Variants in CTSB observed in about 807,000 individuals in gnomAD.
CTSB encodes the protein cathepsin B.
In CTSB, 57 loss-of-function variants were observed where a neutral mutation model predicts 44.3. That is an observed-to-expected ratio of 1.29 (90% CI 1.04 to 1.60). CTSB has a LOEUF of 1.60. CTSB is among the 40% of genes most tolerant of loss of function. The pLI is 0.00. For synonymous variants in CTSB, 320 were observed against 168.0 expected, an observed-to-expected ratio of 1.91 and a Z score of -7.00; for missense variants, 768 against 443.0, an observed-to-expected ratio of 1.73 and a Z score of -6.59.
intron 1 of CTSB, among the ~76,000 whole-genome samples, chr8:11,855,345 A>C (rs1051109415): frequency 1.3e-5 from 2 of 152,148 alleles, no homozygotes; most frequent in African/African-American, 4.8e-5. Context: ...AAAAAGTTTT[A>C]TGAAAAAAAT....
At chr8:11,866,048 TAAG>T (rs1004102363) in intron 1 of CTSB, among the ~76,000 whole-genome samples, 77 of 149,012 alleles carry the variant, frequency 5.2e-4, no homozygotes, top group African/African-American at 1.9e-3. Context: ...AAAAAGAAAT[TAAG>T]AAAGAAAAGA....
rs201650067 is a variant in CTSB, at chr8:11,845,191, G to A, written c.954C>T (p.His318=). Residue 318 remains histidine, a synonymous_variant, in exon 10 of 10, where the codon CAC becomes CAT. Coordinates refer to ENST00000353047, the MANE Select transcript of CTSB (RefSeq NM_001908.5). ...CCACCACTTCTGATTCGATTCCACA[G>A]TGATCCTGTCCTCTGAGTATTTTAA... ...GFFKILRGQD[H]CGIESEVVAG... is the part of the protein sequence containing the mutation. 3 of 1,613,882 alleles carry A rather than the reference G, an allele frequency of 1.9e-6. No individual in the cohort carries two copies. The Admixed American group carries it at 5.0e-5, about 27-fold the overall frequency.
At chr8:11,848,913 G>C (rs1473102830) in intron 5 of CTSB, 133 bp downstream of exon 5, 7 of 626,386 alleles carry the variant, frequency 1.1e-5, no homozygotes, top group South Asian at 1.9e-5. Flanking sequence ...CTGCCTGCCA[G>C]ACTCTCGGAG....
intron 3 of CTSB, among the ~76,000 whole-genome samples, chr8:11,852,391 C>T (rs574762446): frequency 1.7e-4 from 26 of 152,118 alleles, no homozygotes; most frequent in Non-Finnish European, 3.4e-4. Context: ...AAAGCACCAG[C>T]ATCTTCTCTA....
chr8:11,853,023 G>A (rs568086609), intron 2 of CTSB, among the ~76,000 whole-genome samples: 2 of 152,290 alleles, frequency 1.3e-5, no homozygotes, highest in South Asian at 2.1e-4. Flanking sequence ...ACTGTGCCAC[G>A]GCGGGCGTCA....
intron 1 of CTSB, among the ~76,000 whole-genome samples, chr8:11,866,619 G>A (rs1817189947): frequency 6.6e-6 from 1 of 152,232 alleles, no homozygotes; most frequent in South Asian, 2.1e-4. Flanking sequence ...TGACTCACCG[G>A]GAGGCCGAGA....
At chr8:11,847,265 G>T in intron 7 of CTSB, 97 bp from the exon 8 acceptor site, 3 of 794,170 alleles carry the variant, frequency 3.8e-6, no homozygotes, top group Admixed American at 3.6e-5. Flanking sequence ...GGCCTCCAGG[G>T]GAAGACTGCA....
At chr8:11,848,776 C>A in intron 5 of CTSB, 1 of 373,744 alleles carries the variant, frequency 2.7e-6, no homozygotes, top group Non-Finnish European at 5.1e-6. Context: ...ACAAACCAGA[C>A]CAGGGGCCAG....
At chr8:11,861,262 C>T (rs899861991) in intron 1 of CTSB, 4 of 152,436 alleles carry the variant, frequency 2.6e-5, no homozygotes, top group Admixed American at 6.5e-5. Context: ...GAAAACCCAC[C>T]CAGCACACAG....
Position 11,845,680 on chromosome 8 carries a change from G to C in CTSB, c.903C>G (p.Asn301Lys). 6.2e-7 allele frequency: 1 copy of C among 1,613,852 alleles called. No individual in the cohort carries two copies. The highest frequency in any genetic ancestry group is 8.5e-7 in the Non-Finnish European group (1 of 1,179,736). The change falls in exon 9 of 10, where the codon AAC (asparagine) becomes AAG (lysine). Residue 301 changes from asparagine to lysine, a missense_variant. Physicochemically the swap from Asn to Lys is moderately conservative, Grantham distance 94. Coordinates refer to ENST00000353047, the MANE Select transcript of CTSB (RefSeq NM_001908.5). ...TPYWLVANSW[N>K]TDWGDNGFFK... ...ACTCACCATTGTCACCCCAGTCAGT[G>C]TTCCAGGAGTTGGCAACCAGCCAGT... is the stretch of plus-strand genomic sequence containing the variant.
Position 11,848,007 on chromosome 8 carries a change from T to A in CTSB, c.532+60A>T, listed in dbSNP as rs539302963. On this transcript the variant is annotated intron_variant, in intron 6 of 9. Coordinates refer to ENST00000353047, the MANE Select transcript of CTSB (RefSeq NM_001908.5). ...CAGTTTATAAAGGCAAATAAAGCCA[T>A]GATGGTTAATTGCTCAAACAATCCA... is the stretch of plus-strand genomic sequence containing the variant. 2.2e-5 allele frequency: 31 copies of A among 1,434,462 alleles called. No individual in the cohort carries two copies. In the East Asian group the frequency reaches 6.8e-4, roughly 32 times the overall value. 88.9% of individuals were successfully genotyped at this position (1,434,462 alleles called of 1,614,324 possible).
Position 11,845,515 on chromosome 8 carries a change from A to C in CTSB, c.922+146T>G, listed in dbSNP as rs561708356. The stretch of plus-strand genomic sequence containing the variant: ...CCCTCACAGCAAAAGGGAACTCCTG[A>C]CTGCCTGGCACTTAGGAGGAGCTCA... On this transcript the variant is annotated intron_variant, in intron 9 of 9. Transcript: ENST00000353047. 18 of 972,884 alleles carry C rather than the reference A, an allele frequency of 1.9e-5. No individual in the cohort carries two copies. In the South Asian group the frequency reaches 2.6e-4, roughly 14 times the overall value. 60.3% of individuals were successfully genotyped at this position (972,884 alleles called of 1,614,324 possible).
rs1217250211 is a variant in CTSB, at chr8:11,843,038, TC to T, written c.*2086del. The T allele has an allele frequency of 1.4e-5, 2 of 142,178 alleles. No individual in the cohort carries two copies. Among genetic ancestry groups the T allele is most frequent in the Non-Finnish European group, 3.0e-5 (2 of 66,542 alleles). The allele number at this position is 142,178 out of a possible 1,614,324, so 8.8% of individuals were successfully genotyped here. Reference sequence around the variant, plus strand: ...GTCTTGGCTCACTGCAACCTCCGCCTCCCGGGTTCAAGCGATTCTCCTGCCT... The same window carrying T: ...GTCTTGGCTCACTGCAACCTCCGCCTCCGGGTTCAAGCGATTCTCCTGCCT... On this transcript the variant is annotated 3_prime_UTR_variant, in exon 10 of 10. Coordinates refer to ENST00000353047, the MANE Select transcript of CTSB (RefSeq NM_001908.5).
Position 11,848,285 on chromosome 8 carries a change from C to A in CTSB, c.447-133G>T, listed in dbSNP as rs1285263605. On this transcript the variant is annotated intron_variant, in intron 5 of 9. Coordinates refer to ENST00000353047, the MANE Select transcript of CTSB (RefSeq NM_001908.5). ...TGCAGCAAGTGGTGCGAGCAGACCT[C>A]CCAGACCCCAAACCCTCCAAGGGAC... 7 of 766,940 alleles carry A rather than the reference C, an allele frequency of 9.1e-6. No individual in the cohort carries two copies. The Admixed American group carries it at 9.9e-5, about 11-fold the overall frequency. 47.5% of individuals were successfully genotyped at this position (766,940 alleles called of 1,614,324 possible).
At chr8:11,854,940 G>A (rs577212458) in intron 1 of CTSB, 5 of 152,350 alleles carry the variant, frequency 3.3e-5, no homozygotes, top group Admixed American at 6.5e-5. Context: ...GAGGAAACAG[G>A]ACAGTGCTTG....
intron 3 of CTSB, 76 bp from the exon 4 acceptor site, chr8:11,851,056 C>G: frequency 1.1e-6 from 1 of 931,544 alleles, no homozygotes; most frequent in Non-Finnish European, 1.7e-6. Context: ...GCCACTTTGG[C>G]TGGGCCACAC....
chr8:11,846,605 C>T (rs1185703281), intron 8 of CTSB, among the ~76,000 whole-genome samples: 1 of 152,218 alleles, frequency 6.6e-6, no homozygotes, highest in South Asian at 2.1e-4. Context: ...TGGTGTGAGG[C>T]ACGATCTAGG....
At chr8:11,867,665 C>G (rs2150470392) in intron 1 of CTSB, 1 of 152,364 alleles carries the variant, frequency 6.6e-6, no homozygotes, top group South Asian at 2.1e-4. Context: ...CCGAGCTCTT[C>G]CTCGCAGGCG....
At chr8:11,847,632 G>A in intron 7 of CTSB, 47 bp downstream of exon 7, 1 of 1,495,144 alleles carries the variant, frequency 6.7e-7, no homozygotes, top group South Asian at 1.4e-5. Context: ...GGATGCAGCA[G>A]CTCCCCAGCC....
Sources: allele counts gnomAD v4.1 joint callset (sites outside exome capture counted in the v4.1 genomes callset), GRCh38; gene constraint gnomAD v4.1.1; transcripts MANE v1.5; gene names NCBI Gene and HGNC (gene_info 2026-07-23, HGNC 2026-07-21).